The following CDC37L1 variants were observed in gnomAD, a reference collection of about 807,000 sequenced individuals.
The protein encoded by CDC37L1 is cell division cycle 37 like 1, HSP90 cochaperone.
A neutral mutation model predicts 45.9 loss-of-function variants in CDC37L1; 32 were observed. That is an observed-to-expected ratio of 0.70 (90% CI 0.53 to 0.94). The LOEUF is 0.94. CDC37L1 is among the 40% of genes least tolerant of loss of function. The probability of loss-of-function intolerance (pLI) is 0.00; values close to 1 mark genes in which losing one functional copy is unlikely to be tolerated. For missense variants in CDC37L1, 434 were observed against 405.7 expected, an observed-to-expected ratio of 1.07 and a Z score of -0.60; for synonymous variants, 150 against 133.0, an observed-to-expected ratio of 1.13 and a Z score of -0.88.
chr9:4,705,927 C>T, intron 6 of CDC37L1, 84 bp from the exon 7 acceptor site: 1 of 569,732 alleles, frequency 1.8e-6, no homozygotes. Flanking sequence ...GACGGTGAAA[C>T]TGAATATATA....
chr9:4,685,090 G>T lies in CDC37L1; in HGVS notation c.346G>T (p.Ala116Ser), dbSNP rs201686350. 3.0e-4 allele frequency: 485 copies of T among 1,613,614 alleles called. 4 individuals are homozygous for T. The highest frequency in any genetic ancestry group is 3.4e-5 in the Non-Finnish European group (40 of 1,179,628). The part of the protein sequence containing the change: ...REEEWRQKEE[A>S]LVQREKMCLW... ...AGAAGAGTGGCGACAGAAAGAAGAA[G>T]CTCTAGTACAAAGAGAGAAGATGTG... The change falls in exon 2 of 7, where the codon GCT becomes TCT. Residue 116 changes from alanine (A) to serine (S), a missense_variant. By Grantham distance (99) the Ala-to-Ser change is moderately conservative (BLOSUM62 1). Coordinates refer to ENST00000381854, the MANE Select transcript of CDC37L1 (RefSeq NM_017913.4).
intron 1 of CDC37L1, among the ~76,000 whole-genome samples, chr9:4,683,792 A>T (rs1157890555): frequency 6.6e-6 from 1 of 152,204 alleles, no homozygotes; most frequent in African/African-American, 2.4e-5. Context: ...GATTGGAGAG[A>T]AATTATTCTG....
In CDC37L1 at chr9:4,688,069, C is replaced by T. The variant is rs1462889739; in HGVS notation, c.415-444C>T. On this transcript the variant is annotated intron_variant, in intron 2 of 6. Coordinates refer to ENST00000381854, the MANE Select transcript of CDC37L1 (RefSeq NM_017913.4). Reference sequence around the variant, plus strand: ...CTGGAGTGCAGTGGCATGATCTCAGCTCACTACAACCTCTGCCTCCTGGGT... The same window carrying T: ...CTGGAGTGCAGTGGCATGATCTCAGTTCACTACAACCTCTGCCTCCTGGGT... Among the ~76,000 whole-genome samples the T allele has an allele frequency of 2.0e-5, 3 of 152,320 alleles. 1 individual carries two copies. The East Asian group carries it at 5.8e-4, about 29-fold the overall frequency.
chr9:4,683,549 A>G (rs1464485684), intron 1 of CDC37L1, among the ~76,000 whole-genome samples: 1 of 152,162 alleles, frequency 6.6e-6, no homozygotes, highest in Admixed American at 6.5e-5. Flanking sequence ...AACAAGTAGA[A>G]GAGCAATGGG....
chr9:4,684,485 A>G (rs779529554), intron 1 of CDC37L1, among the ~76,000 whole-genome samples: 16 of 152,184 alleles, frequency 1.1e-4, no homozygotes, highest in Non-Finnish European at 1.5e-5. Flanking sequence ...GAATTTGGAG[A>G]ACAAAATTAT....
chr9:4,700,018 G>A (rs1224048602), intron 5 of CDC37L1, among the ~76,000 whole-genome samples: 5 of 151,692 alleles, frequency 3.3e-5, no homozygotes, highest in African/African-American at 1.2e-4. Flanking sequence ...AACTCTCAAT[G>A]TGGCAGTAGT....
intron 2 of CDC37L1, among the ~76,000 whole-genome samples, chr9:4,686,490 C>G (rs909399758): frequency 6.6e-6 from 1 of 150,822 alleles, no homozygotes. Context: ...TATCCCAAAA[C>G]TATTGAAAAT....
chr9:4,688,717 T>G (rs1018930672), intron 3 of CDC37L1, 111 bp downstream of exon 3: 1 of 682,478 alleles, frequency 1.5e-6, no homozygotes, highest in Non-Finnish European at 2.4e-6. Flanking sequence ...AAACTCCAAT[T>G]TTGTAGCTTC....
intron 3 of CDC37L1, among the ~76,000 whole-genome samples, chr9:4,689,891 A>G (rs1197238481): frequency 6.6e-6 from 1 of 152,258 alleles, no homozygotes; most frequent in Non-Finnish European, 1.5e-5. Context: ...CATGTACTGC[A>G]TCTGGTGAAA....
chr9:4,692,556 C>T (rs1313610147), intron 3 of CDC37L1, among the ~76,000 whole-genome samples: 2 of 152,140 alleles, frequency 1.3e-5, no homozygotes, highest in African/African-American at 2.4e-5. Context: ...AGGCGTGAGC[C>T]ACCACTCTGA....
At chr9:4,700,948 C>G (rs908988162) in intron 5 of CDC37L1, among the ~76,000 whole-genome samples, 1 of 152,190 alleles carries the variant, frequency 6.6e-6, no homozygotes, top group Non-Finnish European at 1.5e-5. Flanking sequence ...ATTACATACT[C>G]TGTGTCCACA....
At chr9:4,694,662 G>C (rs1841330328) in intron 3 of CDC37L1, among the ~76,000 whole-genome samples, 1 of 152,120 alleles carries the variant, frequency 6.6e-6, no homozygotes, top group East Asian at 1.9e-4. Context: ...CATGAGGTTA[G>C]GAGTTCGAGA....
At chr9:4,691,015 GCA>G (rs1841295445) in intron 3 of CDC37L1, among the ~76,000 whole-genome samples, 1 of 152,198 alleles carries the variant, frequency 6.6e-6, no homozygotes, top group African/African-American at 2.4e-5. Context: ...CTGAATTATG[GCA>G]CAGAGTTGAT....
chr9:4,685,787 G>A (rs558096255), intron 2 of CDC37L1, among the ~76,000 whole-genome samples: 9 of 152,258 alleles, frequency 5.9e-5, no homozygotes, highest in Admixed American at 3.3e-4. Flanking sequence ...AGTTTTTAGC[G>A]ATTGATTTTC....
rs1270661172 is a variant in CDC37L1, at chr9:4,708,378, A to T, written c.*2266A>T. The T allele has an allele frequency of 6.6e-6, 1 of 151,166 alleles. No homozygotes were observed. 9.4% of individuals were successfully genotyped at this position (151,166 alleles called of 1,614,324 possible). A position where few individuals can be genotyped will look rare whatever the true frequency, so the allele number is the denominator to read the frequency against. On this transcript the variant is annotated 3_prime_UTR_variant, in exon 7 of 7. Coordinates refer to ENST00000381854, the MANE Select transcript of CDC37L1 (RefSeq NM_017913.4). ...TTCATTTGATAAAATTAATATTTGA[A>T]TAAAAAAATTTTTAAATCAAATAGC...
chr9:4,703,335 GTC>G, intron 6 of CDC37L1: 1 of 298,258 alleles, frequency 3.4e-6, no homozygotes, highest in African/African-American at 2.2e-5. Flanking sequence ...ATTATCAGGA[GTC>G]TCTGAGCCTA....
In CDC37L1 at chr9:4,706,567, T is replaced by C. The variant is rs986111213; in HGVS notation, c.*455T>C. 1 of 152,922 alleles carries C rather than the reference T, an allele frequency of 6.5e-6. No homozygotes were observed. Among genetic ancestry groups the C allele is most frequent in the African/African-American group, 2.4e-5 (1 of 41,474 alleles). The allele number at this position is 152,922 out of a possible 1,614,324, so 9.5% of individuals were successfully genotyped here. ...TACTTTAGCTGTCAAATTTGGTGTT[T>C]CATCACATTAAAAGCAATAAATCAG... On this transcript the variant is annotated 3_prime_UTR_variant, in exon 7 of 7. Transcript: ENST00000381854.
At chr9:4,685,186 AAG>A in intron 2 of CDC37L1, 28 bp downstream of exon 2, 1 of 1,577,464 alleles carries the variant, frequency 6.3e-7, no homozygotes, top group Non-Finnish European at 8.7e-7. Context: ...GCCATAATGA[AAG>A]AAGAAAAACT....
chr9:4,705,435 T>G (rs1448463389), intron 6 of CDC37L1, among the ~76,000 whole-genome samples: 1 of 152,200 alleles, frequency 6.6e-6, no homozygotes, highest in Non-Finnish European at 1.5e-5. Context: ...AGTTTATGCT[T>G]GTTTAACAAA....
Sources: gnomAD v4.1 joint callset for allele counts (sites outside exome capture counted in the v4.1 genomes callset) on GRCh38, gnomAD v4.1.1 for gene constraint, MANE v1.5 for transcripts, NCBI Gene and HGNC (gene_info 2026-07-23, HGNC 2026-07-21) for gene names.